Variants in TENT5D observed in about 807,000 individuals in gnomAD.
The protein encoded by TENT5D is cancer/testis antigen 112.
For synonymous variants in TENT5D, 103 were observed against 100.6 expected (o/e 1.02, Z -0.15); for missense variants, 191 against 287.0 (o/e 0.67, Z 2.42).
chrX:80,396,719 C>T (rs1054205443), intron 3 of TENT5D, among the ~76,000 whole-genome samples: 12 of 103,778 alleles, frequency 1.2e-4, no homozygotes, highest in South Asian at 9.3e-4. Flanking sequence ...ATCTTTTCCC[C>T]GCCTTTCCCC....
chrX:80,342,493 T>C (rs1019102081), intron 2 of TENT5D: 100 of 112,467 alleles, frequency 8.9e-4, no homozygotes, highest in African/African-American at 3.2e-3. Flanking sequence ...ATTTCTTTTT[T>C]ATTCAGATTA....
At chrX:80,432,082 C>A (rs932329117) in intron 1 of TENT5D, among the ~76,000 whole-genome samples, 1 of 110,927 alleles carries the variant, frequency 9.0e-6, no homozygotes, top group African/African-American at 3.3e-5. Flanking sequence ...CTCCAGCTGA[C>A]TTTGCCCAGT....
At chrX:80,386,921 T>A (rs897500917) in intron 3 of TENT5D, among the ~76,000 whole-genome samples, 4 of 111,913 alleles carry the variant, frequency 3.6e-5, no homozygotes, top group Non-Finnish European at 7.5e-5. Flanking sequence ...AAATGTTCAA[T>A]CTACAATTCC....
chrX:80,415,030 G>A (rs1931742291), intron 3 of TENT5D, among the ~76,000 whole-genome samples: 1 of 111,463 alleles, frequency 9.0e-6, no homozygotes, highest in Admixed American at 9.6e-5. Context: ...TGTATTCCCA[G>A]GTATTTTATT....
At chrX:80,424,570 G>A (rs1931952580) in intron 1 of TENT5D, among the ~76,000 whole-genome samples, 1 of 112,088 alleles carries the variant, frequency 8.9e-6, no homozygotes, top group African/African-American at 3.2e-5. Flanking sequence ...TACAGAAATA[G>A]GGTTAGTTTA....
chrX:80,382,716 C>A (rs1327686976), intron 3 of TENT5D, among the ~76,000 whole-genome samples: 4 of 105,347 alleles, frequency 3.8e-5, no homozygotes, highest in African/African-American at 1.4e-4. Context: ...CCCCCCCCCA[C>A]TGCCAGGCTG....
intron 3 of TENT5D, among the ~76,000 whole-genome samples, chrX:80,388,943 G>C (rs1931075288): frequency 9.0e-6 from 1 of 111,664 alleles, no homozygotes; most frequent in African/African-American, 3.3e-5. Context: ...TTTCCATCTG[G>C]CTAGGGCTGT....
intron 3 of TENT5D, among the ~76,000 whole-genome samples, chrX:80,411,275 T>C (rs1282128894): frequency 1.8e-5 from 2 of 111,875 alleles, no homozygotes; most frequent in Admixed American, 1.9e-4. Context: ...TTCAGTGTTC[T>C]AACCAAGTCT....
intron 3 of TENT5D, among the ~76,000 whole-genome samples, chrX:80,351,184 C>T (rs1214461494): frequency 1.9e-4 from 21 of 110,493 alleles, no homozygotes; most frequent in African/African-American, 6.6e-4. Flanking sequence ...ATTTGAATGT[C>T]GGCCTGTCTT....
At chrX:80,387,530 G>A (rs1931042236) in intron 3 of TENT5D, among the ~76,000 whole-genome samples, 1 of 112,097 alleles carries the variant, frequency 8.9e-6, no homozygotes, top group African/African-American at 3.2e-5. Flanking sequence ...TCTTGGATAT[G>A]ATCTCAAAGT....
intron 1 of TENT5D, among the ~76,000 whole-genome samples, chrX:80,430,828 C>T (rs760806003): frequency 3.6e-5 from 4 of 110,904 alleles, no homozygotes; most frequent in African/African-American, 1.3e-4. Flanking sequence ...AGAAAAGAGG[C>T]GGGGGAAAGA....
chrX:80,428,947 G>C (rs1932033043), intron 1 of TENT5D, among the ~76,000 whole-genome samples: 1 of 111,750 alleles, frequency 8.9e-6, no homozygotes, highest in Non-Finnish European at 1.9e-5. Context: ...GGGAGGCCTG[G>C]ACTGGGGAGG....
At chrX:80,353,344 T>A (rs745724690) in intron 3 of TENT5D, among the ~76,000 whole-genome samples, 1 of 111,907 alleles carries the variant, frequency 8.9e-6, no homozygotes, top group Non-Finnish European at 1.9e-5. Context: ...TTGTGTTTCA[T>A]GGGAGTTTGG....
chrX:80,366,345 C>A (rs928482304), intron 3 of TENT5D, among the ~76,000 whole-genome samples: 9 of 109,880 alleles, frequency 8.2e-5, no homozygotes, highest in African/African-American at 2.6e-4. Flanking sequence ...TCTTATTTAC[C>A]TAGTACTTTG....
At chrX:80,340,916 A>C (rs973561124) in intron 2 of TENT5D, among the ~76,000 whole-genome samples, 2 of 112,432 alleles carry the variant, frequency 1.8e-5, no homozygotes, top group Non-Finnish European at 3.8e-5. Flanking sequence ...TAGCAACAGA[A>C]ATATCTTTCA....
At chrX:80,388,704 G>A (rs1602203034) in intron 3 of TENT5D, among the ~76,000 whole-genome samples, 2 of 111,728 alleles carry the variant, frequency 1.8e-5, no homozygotes, top group Middle Eastern at 9.1e-3. Flanking sequence ...TACTGCCTGC[G>A]GTTGGTAGAG....
At chrX:80,396,431 T>A in intron 3 of TENT5D, among the ~76,000 whole-genome samples, 1 of 110,336 alleles carries the variant, frequency 9.1e-6, no homozygotes. Context: ...CCTTCCACAG[T>A]GTTTGTGTCC....
chrX:80,341,211 A>T (rs962647340), intron 2 of TENT5D, among the ~76,000 whole-genome samples: 9 of 112,459 alleles, frequency 8.0e-5, no homozygotes, highest in African/African-American at 2.9e-4. Context: ...CAGGGTAGAA[A>T]TAGCTATTTT....
intron 3 of TENT5D, among the ~76,000 whole-genome samples, chrX:80,368,282 C>T (rs760201439): frequency 2.9e-4 from 32 of 111,830 alleles, no homozygotes; most frequent in African/African-American, 9.1e-4. Context: ...GCCTCCTTGA[C>T]TTTCACTCAG....
Sources: gnomAD v4.1 joint callset for allele counts (sites outside exome capture counted in the v4.1 genomes callset) on GRCh38, gnomAD v4.1.1 for gene constraint, MANE v1.5 for transcripts, NCBI Gene and HGNC (gene_info 2026-07-23, HGNC 2026-07-21) for gene names.